SRGAP3: variants seen among roughly 807,000 people sequenced by gnomAD.
SRGAP3 encodes SLIT-ROBO Rho GTPase-activating protein 3.
Under a neutral mutation model 121.1 loss-of-function variants are expected in SRGAP3, and 39 were observed. The observed-to-expected ratio is 0.32, with a 90% CI of 0.25 to 0.42. The LOEUF is 0.42. SRGAP3 is among the 10% of genes least tolerant of loss of function. The pLI, the probability that SRGAP3 is intolerant of heterozygous loss-of-function variation, is 1.00. For synonymous variants in SRGAP3, 601 were observed against 570.0 expected (o/e 1.05, Z -0.77); for missense variants, 1,213 against 1,470.6 (o/e 0.82, Z 2.86).
chr3:9,261,892 A>G (rs1337749920), intron 3 of SRGAP3, among the ~76,000 whole-genome samples: 1 of 149,590 alleles, frequency 6.7e-6, no homozygotes, highest in African/African-American at 2.4e-5. Context: ...AAAAAAAAAA[A>G]AAAGACACAT....
intron 17 of SRGAP3, among the ~76,000 whole-genome samples, chr3:9,012,002 A>T (rs1375315019): frequency 6.6e-6 from 1 of 152,206 alleles, no homozygotes; most frequent in Non-Finnish European, 1.5e-5. Context: ...ATGGTTGCAA[A>T]AACTGTGTGA....
At chr3:9,025,082 T>C (rs577801459) in intron 14 of SRGAP3, among the ~76,000 whole-genome samples, 179 bp downstream of exon 14, 4 of 152,322 alleles carry the variant, frequency 2.6e-5, no homozygotes, top group African/African-American at 9.6e-5. Context: ...ACGCCAGCCA[T>C]GGCTTATTCC....
chr3:9,052,999 G>T (rs769373072), intron 9 of SRGAP3, 28 bp downstream of exon 9: 2 of 1,611,576 alleles, frequency 1.2e-6, no homozygotes, highest in Non-Finnish European at 1.7e-6. Context: ...GGCCGACAGT[G>T]TGGTTCTGGG....
At chr3:9,226,741 G>A (rs1342781911) in intron 1 of SRGAP3, among the ~76,000 whole-genome samples, 1 of 152,144 alleles carries the variant, frequency 6.6e-6, no homozygotes, top group South Asian at 2.1e-4. Context: ...CCTACATGGG[G>A]TGATGAGATG....
At chr3:9,349,031 G>C (rs545909040) in intron 1 of SRGAP3, 1 of 959,352 alleles carries the variant, frequency 1.0e-6, no homozygotes, top group African/African-American at 1.6e-5. Flanking sequence ...GCATCTGGAG[G>C]GCCTCTCTGA....
intron 3 of SRGAP3, 72 bp downstream of exon 3, chr3:9,104,608 G>C: frequency 5.0e-6 from 8 of 1,590,806 alleles, no homozygotes; most frequent in Non-Finnish European, 6.0e-6. Context: ...ATCCCACCCT[G>C]GCTGGTATAC....
At chr3:9,061,534 C>G (rs1946173541) in intron 5 of SRGAP3, among the ~76,000 whole-genome samples, 1 of 152,186 alleles carries the variant, frequency 6.6e-6, no homozygotes. Context: ...CTGCCCGGCT[C>G]TTTTCTTAAT....
In SRGAP3 at chr3:8,982,492, G is replaced by C. The variant is rs1449546819; in HGVS notation, c.*3027C>G. 2 of 223,560 alleles carry C rather than the reference G, an allele frequency of 8.9e-6. No homozygotes were observed. The highest frequency in any genetic ancestry group is 1.8e-5 in the Non-Finnish European group (2 of 111,928). 13.8% of individuals were successfully genotyped at this position (223,560 alleles called of 1,614,324 possible). A position where few individuals can be genotyped will look rare whatever the true frequency, so the allele number is the denominator to read the frequency against. On this transcript the variant is annotated 3_prime_UTR_variant, in exon 22 of 22. Transcript: ENST00000383836. ...TACTAGGTGCAAAGATTTGGTGAGT[G>C]GCATTGGCTAAAATTTAATTGTAGC... is the stretch of plus-strand genomic sequence containing the variant.
chr3:9,263,573 A>G (rs1310506160), intron 3 of SRGAP3, among the ~76,000 whole-genome samples: 1 of 152,204 alleles, frequency 6.6e-6, no homozygotes, highest in Non-Finnish European at 1.5e-5. Context: ...ACAAACTACC[A>G]TCAGAGAATA....
rs745926313 is a variant in SRGAP3 at position 9,032,765 on chromosome 3, G to A, written c.1437-13C>T. ...AAGACAGGGGGGCCTAGGGGAAAAC[G>A]GAACAAAAGAAATCAAGAAAGCAAC... is the stretch of plus-strand genomic sequence containing the variant. On this transcript the variant is annotated splice_polypyrimidine_tract_variant and intron_variant, in intron 11 of 21. Transcript: ENST00000383836. 1.3e-5 allele frequency: 21 copies of A among 1,609,612 alleles called. No individual in the cohort carries two copies. Among genetic ancestry groups the A allele is most frequent in the South Asian group, 4.4e-5 (4 of 90,944 alleles).
intron 1 of SRGAP3, among the ~76,000 whole-genome samples, chr3:9,167,382 C>A (rs940443269): frequency 6.6e-6 from 1 of 152,210 alleles, no homozygotes; most frequent in Non-Finnish European, 1.5e-5. Flanking sequence ...TGTACTTACA[C>A]ATTTGACATT....
chr3:9,128,664 T>G (rs1949331129), intron 1 of SRGAP3, among the ~76,000 whole-genome samples: 1 of 152,234 alleles, frequency 6.6e-6, no homozygotes, highest in Non-Finnish European at 1.5e-5. Flanking sequence ...TTTAGTATCT[T>G]TATAGCCAAA....
At chr3:9,243,776 A>C (rs1953732822) in intron 1 of SRGAP3, among the ~76,000 whole-genome samples, 1 of 152,214 alleles carries the variant, frequency 6.6e-6, no homozygotes, top group Admixed American at 6.5e-5. Context: ...CTTCGTGCGG[A>C]CTTCAACTTG....
At chr3:9,231,255 T>C (rs1227516717) in intron 1 of SRGAP3, among the ~76,000 whole-genome samples, 2 of 152,200 alleles carry the variant, frequency 1.3e-5, no homozygotes, top group Non-Finnish European at 2.9e-5. Context: ...GGGGGGGCAT[T>C]CCCGTTTCTT....
intron 3 of SRGAP3, among the ~76,000 whole-genome samples, chr3:9,310,343 A>C (rs1170738000): frequency 6.6e-6 from 1 of 152,116 alleles, no homozygotes; most frequent in Non-Finnish European, 1.5e-5. Context: ...TTCTCCTGCC[A>C]ACAGTATCCC....
At chr3:9,039,198 C>A (rs762714377) in intron 10 of SRGAP3, among the ~76,000 whole-genome samples, 2 of 152,160 alleles carry the variant, frequency 1.3e-5, no homozygotes, top group African/African-American at 4.8e-5. Context: ...TCCCTTCTTA[C>A]AAAGCTCTCT....
chr3:9,157,106 C>T (rs2096169292), intron 1 of SRGAP3, among the ~76,000 whole-genome samples: 1 of 152,122 alleles, frequency 6.6e-6, no homozygotes, highest in African/African-American at 2.4e-5. Flanking sequence ...AAAAGAACAA[C>T]CTGAGACTGG....
At chr3:9,156,367 T>C (rs936038142) in intron 1 of SRGAP3, among the ~76,000 whole-genome samples, 2 of 152,248 alleles carry the variant, frequency 1.3e-5, no homozygotes, top group East Asian at 3.8e-4. Flanking sequence ...TGGCTTGTCT[T>C]GGCCCAGCAG....
intron 3 of SRGAP3, among the ~76,000 whole-genome samples, chr3:9,102,635 G>A (rs527377984): frequency 1.4e-4 from 22 of 152,330 alleles, no homozygotes; most frequent in Non-Finnish European, 2.2e-4. Flanking sequence ...GCCAGGCTCC[G>A]TCCGCGCCTC....
Sources: gnomAD v4.1 joint callset for allele counts (sites outside exome capture counted in the v4.1 genomes callset) on GRCh38, gnomAD v4.1.1 for gene constraint, MANE v1.5 for transcripts, NCBI Gene and HGNC (gene_info 2026-07-23, HGNC 2026-07-21) for gene names.